Variants in CPA6 observed in about 807,000 individuals in gnomAD.
The protein encoded by CPA6 is carboxypeptidase A6.
A neutral mutation model predicts 63.3 loss-of-function variants in CPA6; 58 were observed. The observed-to-expected ratio is 0.92, with a 90% CI of 0.74 to 1.14. CPA6 has a LOEUF of 1.14. Ranked by LOEUF, CPA6 falls within the 50% of genes most tolerant of loss-of-function variation. The probability of loss-of-function intolerance (pLI) is 0.00; values close to 1 mark genes in which losing one functional copy is unlikely to be tolerated. For missense variants in CPA6, 565 were observed against 526.6 expected (o/e 1.07, Z -0.71); for synonymous variants, 185 against 179.0 (o/e 1.03, Z -0.27).
At chr8:67,733,018 A>G (rs538550047) in intron 1 of CPA6, among the ~76,000 whole-genome samples, 2 of 151,304 alleles carry the variant, frequency 1.3e-5, no homozygotes, top group South Asian at 4.2e-4. Flanking sequence ...AACACGGTGA[A>G]ACCCCGTCTC....
At chr8:67,493,057 A>G (rs1298521088) in intron 6 of CPA6, among the ~76,000 whole-genome samples, 1 of 152,068 alleles carries the variant, frequency 6.6e-6, no homozygotes, top group African/African-American at 2.4e-5. Context: ...AATGAAGATC[A>G]TTTTCATATG....
intron 1 of CPA6, among the ~76,000 whole-genome samples, chr8:67,729,318 C>G (rs904783803): frequency 1.3e-5 from 2 of 151,974 alleles, no homozygotes; most frequent in Non-Finnish European, 2.9e-5. Flanking sequence ...ATTTTTATAG[C>G]ATGAAAAAAA....
intron 2 of CPA6, among the ~76,000 whole-genome samples, chr8:67,616,809 A>G (rs539148126): frequency 2.0e-5 from 3 of 152,186 alleles, no homozygotes; most frequent in Admixed American, 6.5e-5. Flanking sequence ...AAATAAGCCT[A>G]TCCTAGACAA....
chr8:67,726,089 T>G (rs1354877373), intron 1 of CPA6, among the ~76,000 whole-genome samples: 2 of 152,128 alleles, frequency 1.3e-5, no homozygotes, highest in African/African-American at 4.8e-5. Context: ...GTTTTAGAAC[T>G]CATGAGAGCA....
intron 2 of CPA6, among the ~76,000 whole-genome samples, chr8:67,590,029 T>C (rs1227051276): frequency 4.0e-5 from 6 of 151,616 alleles, no homozygotes; most frequent in Non-Finnish European, 8.8e-5. Context: ...CCTAATGCTA[T>C]CCCTCCCCAC....
chr8:67,480,765 G>A (rs1033788240), intron 8 of CPA6, among the ~76,000 whole-genome samples: 1 of 152,112 alleles, frequency 6.6e-6, no homozygotes, highest in African/African-American at 2.4e-5. Flanking sequence ...CAAAGTGGCT[G>A]CAGCATTTTA....
At chr8:67,603,062 G>A (rs1188318339) in intron 2 of CPA6, among the ~76,000 whole-genome samples, 2 of 152,186 alleles carry the variant, frequency 1.3e-5, no homozygotes, top group African/African-American at 2.4e-5. Context: ...AATGATTTTT[G>A]TGTGGCCATA....
chr8:67,549,990 T>A, intron 2 of CPA6, among the ~76,000 whole-genome samples: 1 of 152,228 alleles, frequency 6.6e-6, no homozygotes. Context: ...TCAATTCTAT[T>A]GGGTAAATAC....
chr8:67,592,201 A>C (rs1209299852), intron 2 of CPA6, among the ~76,000 whole-genome samples: 1 of 152,142 alleles, frequency 6.6e-6, no homozygotes, highest in South Asian at 2.1e-4. Context: ...ACTGATTTGC[A>C]TATATTGAAC....
At chr8:67,659,382 G>C (rs539072937) in intron 1 of CPA6, among the ~76,000 whole-genome samples, 40 of 152,244 alleles carry the variant, frequency 2.6e-4, no homozygotes, top group African/African-American at 8.4e-4. Flanking sequence ...GCGTAACTCA[G>C]CACTACACGT....
chr8:67,435,305 A>G (rs1810125019), intron 8 of CPA6, among the ~76,000 whole-genome samples: 1 of 152,034 alleles, frequency 6.6e-6, no homozygotes, highest in Non-Finnish European at 1.5e-5. Flanking sequence ...GACCCACTTT[A>G]CCTGCAGTTT....
intron 1 of CPA6, among the ~76,000 whole-genome samples, chr8:67,673,383 T>TTATTA (rs1563387357): frequency 3.8e-5 from 4 of 106,064 alleles, no homozygotes; most frequent in South Asian, 2.6e-4. Flanking sequence ...TATTATTATT[T>TTATTA]ATTTATTTTT....
At chr8:67,459,952 T>C (rs1342631861) in intron 8 of CPA6, among the ~76,000 whole-genome samples, 1 of 152,146 alleles carries the variant, frequency 6.6e-6, no homozygotes, top group East Asian at 1.9e-4. Context: ...ATGGAAAATC[T>C]CCATAACTTC....
chr8:67,584,115 A>G (rs1813855778), intron 2 of CPA6, among the ~76,000 whole-genome samples: 1 of 152,186 alleles, frequency 6.6e-6, no homozygotes, highest in Non-Finnish European at 1.5e-5. Flanking sequence ...CTGAGATCGC[A>G]CCACAGCATT....
At chr8:67,659,581 C>T (rs997356903) in intron 1 of CPA6, among the ~76,000 whole-genome samples, 5 of 152,182 alleles carry the variant, frequency 3.3e-5, no homozygotes, top group African/African-American at 9.6e-5. Context: ...TTCAGAGTCT[C>T]CTGGCGCTTG....
At chr8:67,494,797 T>C (rs1432778736) in intron 6 of CPA6, among the ~76,000 whole-genome samples, 1 of 152,226 alleles carries the variant, frequency 6.6e-6, no homozygotes, top group Non-Finnish European at 1.5e-5. Flanking sequence ...TGTCTCTTCT[T>C]ATCAGCTTAT....
chr8:67,537,343 A>G (rs1812605948), intron 2 of CPA6, among the ~76,000 whole-genome samples: 1 of 152,150 alleles, frequency 6.6e-6, no homozygotes, highest in Non-Finnish European at 1.5e-5. Context: ...TTTGGTTAGT[A>G]GCCTATTAAT....
At chr8:67,640,779 T>G (rs1455644057) in intron 1 of CPA6, among the ~76,000 whole-genome samples, 1 of 151,434 alleles carries the variant, frequency 6.6e-6, no homozygotes, top group Non-Finnish European at 1.5e-5. Flanking sequence ...GAGTGTGCAG[T>G]CCCAGCCCTA....
chr8:67,606,008 G>C (rs1814626669), intron 2 of CPA6, among the ~76,000 whole-genome samples: 1 of 151,970 alleles, frequency 6.6e-6, no homozygotes, highest in African/African-American at 2.4e-5. Context: ...AAAGGCTATG[G>C]AATATGGGCC....
Sources: allele counts gnomAD v4.1 joint callset (sites outside exome capture counted in the v4.1 genomes callset), GRCh38; gene constraint gnomAD v4.1.1; transcripts MANE v1.5; gene names NCBI Gene and HGNC (gene_info 2026-07-23, HGNC 2026-07-21).